The following CACNA2D4 variants were observed in gnomAD, a reference collection of about 807,000 sequenced individuals.
The protein encoded by CACNA2D4 is calcium voltage-gated channel auxiliary subunit alpha2delta 4.
In CACNA2D4, 157 loss-of-function variants were observed where a neutral mutation model predicts 163.8. That is an observed-to-expected ratio of 0.96 (90% confidence interval 0.84 to 1.09). The LOEUF is 1.09. Among genes scored for constraint, CACNA2D4 ranks in the 50% least tolerant of loss-of-function variants. The pLI is 0.00. For synonymous variants in CACNA2D4, 598 were observed against 586.9 expected (o/e 1.02, Z -0.27); for missense variants, 1,410 against 1,479.9 (o/e 0.95, Z 0.78).
Position 1,885,934 on chromosome 12 carries a change from TTGGAAGTCTCAGGCCACCG to T in CACNA2D4, c.1068+12_1068+30del, listed in dbSNP as rs2154449803. ...CCACCATCCAGACAAGAGCAGGGGC[TTGGAAGTCTCAGGCCACCG>T]TGGACACTCACCTCTCGATTGTCTC... On this transcript the variant is annotated intron_variant, in intron 9 of 37. Coordinates refer to ENST00000382722, the MANE Select transcript of CACNA2D4 (RefSeq NM_172364.5). 6 of 1,532,396 alleles carry T rather than the reference TTGGAAGTCTCAGGCCACCG, an allele frequency of 3.9e-6. No individual in the cohort carries two copies. In the East Asian group the frequency reaches 1.4e-4, roughly 35 times the overall value. 94.9% of individuals were successfully genotyped at this position (1,532,396 alleles called of 1,614,324 possible). A position where few individuals can be genotyped will look rare whatever the true frequency, so the allele number is the denominator to read the frequency against.
intron 23 of CACNA2D4, among the ~76,000 whole-genome samples, chr12:1,851,075 G>A (rs1314113371): frequency 6.6e-6 from 1 of 151,724 alleles, no homozygotes; most frequent in African/African-American, 2.4e-5. Context: ...TAGAGACGGG[G>A]TCTTGTCATT....
At chr12:1,796,632 C>A (rs546250658) in intron 35 of CACNA2D4, among the ~76,000 whole-genome samples, 96 of 152,336 alleles carry the variant, frequency 6.3e-4, no homozygotes, top group African/African-American at 2.3e-3. Context: ...GGGTGAAACC[C>A]GCGCAGCACG....
intron 35 of CACNA2D4, among the ~76,000 whole-genome samples, chr12:1,796,510 C>T (rs1269275679): frequency 1.3e-5 from 2 of 152,220 alleles, no homozygotes; most frequent in Non-Finnish European, 2.9e-5. Context: ...GGAGTGTCTA[C>T]TCTGAAGCCC....
chr12:1,912,983 G>T, intron 3 of CACNA2D4, 40 bp downstream of exon 3: 1 of 1,335,152 alleles, frequency 7.5e-7, no homozygotes, highest in Non-Finnish European at 1.1e-6. Context: ...GCGTCATGGG[G>T]CTGGGGAGAA....
chr12:1,879,689 A>G (rs1865952349), intron 14 of CACNA2D4, 115 bp downstream of exon 14: 2 of 838,170 alleles, frequency 2.4e-6, no homozygotes, highest in South Asian at 2.9e-5. Flanking sequence ...TCTGCATTCA[A>G]ACCCTCCCAA....
At chr12:1,907,260 C>T (rs1244865673) in intron 6 of CACNA2D4, among the ~76,000 whole-genome samples, 180 bp downstream of exon 6, 1 of 152,144 alleles carries the variant, frequency 6.6e-6, no homozygotes, top group Admixed American at 6.5e-5. Flanking sequence ...ATTCCACAGC[C>T]CTTTAATATG....
At chr12:1,908,463 C>T (rs529200163) in intron 4 of CACNA2D4, among the ~76,000 whole-genome samples, 1 of 152,348 alleles carries the variant, frequency 6.6e-6, no homozygotes, top group East Asian at 1.9e-4. Flanking sequence ...CAGCCTTGGC[C>T]TCAGACGGGG....
At chr12:1,845,658 C>T (rs905928623) in intron 24 of CACNA2D4, among the ~76,000 whole-genome samples, 3 of 152,144 alleles carry the variant, frequency 2.0e-5, no homozygotes, top group Non-Finnish European at 2.9e-5. Context: ...GGTTGCGAAG[C>T]GGCAGGTGGC....
At chr12:1,888,884 C>T (rs549982141) in intron 6 of CACNA2D4, among the ~76,000 whole-genome samples, 11 of 152,096 alleles carry the variant, frequency 7.2e-5, no homozygotes, top group Non-Finnish European at 8.8e-5. Context: ...ACAGCGTATC[C>T]CAAACAGCAT....
chr12:1,890,502 C>T (rs1866254462), intron 6 of CACNA2D4, among the ~76,000 whole-genome samples: 2 of 152,228 alleles, frequency 1.3e-5, no homozygotes, highest in Admixed American at 1.3e-4. Context: ...CCTCCATGTA[C>T]AGCCGTTGCA....
In CACNA2D4 at chr12:1,834,280, CCAG is replaced by C; in HGVS notation, c.2551+6456_2551+6458del. 1 of 1,576,698 alleles carries C rather than the reference CCAG, an allele frequency of 6.3e-7. No individual in the cohort carries two copies. Among genetic ancestry groups the C allele is most frequent in the Non-Finnish European group, 8.6e-7 (1 of 1,158,522 alleles). On this transcript the variant is annotated intron_variant, in intron 26 of 37. Transcript: ENST00000382722. This position sits in a 1 kb window ranked among gnomAD's most constrained non-coding sequence, Gnocchi z 7.6. ...TTCTGCATGTAGGGGGACGCTTGGACCAGCTTGCCTGCACCCTGCCCAAGGAGC... is the reference window on the plus strand; with the variant it reads ...TTCTGCATGTAGGGGGACGCTTGGACCTTGCCTGCACCCTGCCCAAGGAGC...
intron 29 of CACNA2D4, among the ~76,000 whole-genome samples, chr12:1,803,315 C>G (rs1041312559): frequency 6.6e-6 from 1 of 152,214 alleles, no homozygotes; most frequent in Non-Finnish European, 1.5e-5. Flanking sequence ...AGTTCTCTCT[C>G]AAATAAGAGA....
chr12:1,795,479 C>T lies in CACNA2D4; in HGVS notation c.3227-98G>A. On this transcript the variant is annotated intron_variant, in intron 36 of 37. Transcript: ENST00000382722. ...GAACCTGCTCTGGTGCCACCAGTTGCCCTGCAAGCAGCTTTAGGGTCAGGA... is the reference window on the plus strand; with the variant it reads ...GAACCTGCTCTGGTGCCACCAGTTGTCCTGCAAGCAGCTTTAGGGTCAGGA... 16 of 1,211,456 alleles carry T rather than the reference C, an allele frequency of 1.3e-5. 1 individual carries two copies. The highest frequency in any genetic ancestry group is 3.8e-4 in the Middle Eastern group (2 of 5,302). The allele number at this position is 1,211,456 out of a possible 1,614,324, so 75.0% of individuals were successfully genotyped here.
At chr12:1,846,732 G>A in intron 23 of CACNA2D4, 43 bp from the exon 24 acceptor site, 1 of 1,501,468 alleles carries the variant, frequency 6.7e-7, no homozygotes, top group Non-Finnish European at 9.0e-7. Context: ...CATGGCTGTG[G>A]CAAGAGCTTG....
At position 1,846,628 on chromosome 12, in the gene CACNA2D4, T is replaced by C. The variant is rs1319306753; in HGVS notation, c.2308A>G (p.Ser770Gly). 1 of 1,604,202 alleles carries C rather than the reference T, an allele frequency of 6.2e-7. No individual in the cohort carries two copies. Among genetic ancestry groups the C allele is most frequent in the South Asian group, 1.1e-5 (1 of 89,376 alleles). ...ACCTTCTCGGAGCCCACGAACAAGC[T>C]GCTTCTCAGGAGGCCAGCCCGGGTG... ...LGTRAGLLRS[S>G]LFVGSEKVSD... Residue 770 changes from serine (S) to glycine (G), a missense_variant, in exon 24 of 38, where the codon AGC becomes GGC. Ser to Gly is a moderately conservative substitution (Grantham distance 56). Transcript: ENST00000382722.
chr12:1,884,446 C>A, intron 11 of CACNA2D4, 125 bp from the exon 12 acceptor site: 1 of 753,876 alleles, frequency 1.3e-6, no homozygotes. Flanking sequence ...TCCAATTTCA[C>A]CCCCTGAGGC....
At chr12:1,858,120 G>T (rs1287486309) in intron 20 of CACNA2D4, among the ~76,000 whole-genome samples, 1 of 152,198 alleles carries the variant, frequency 6.6e-6, no homozygotes, top group African/African-American at 2.4e-5. Flanking sequence ...CCAGAACCGT[G>T]AGAGAATACA....
chr12:1,894,458 T>A (rs1475689561), intron 6 of CACNA2D4, among the ~76,000 whole-genome samples: 2 of 152,150 alleles, frequency 1.3e-5, no homozygotes, highest in Non-Finnish European at 2.9e-5. Context: ...CAGGCCAGTA[T>A]CTCTGATGAC....
intron 2 of CACNA2D4, 23 bp downstream of exon 2, chr12:1,914,831 C>T: frequency 1.3e-6 from 2 of 1,580,984 alleles, no homozygotes; most frequent in Non-Finnish European, 1.7e-6. Flanking sequence ...ACCCGGTGGG[C>T]TCTCTGGAAG....
Sources: allele counts gnomAD v4.1 joint callset (sites outside exome capture counted in the v4.1 genomes callset), GRCh38; gene constraint gnomAD v4.1.1; non-coding constraint Gnocchi (gnomAD v3.1); transcripts MANE v1.5; gene names NCBI Gene and HGNC (gene_info 2026-07-23, HGNC 2026-07-21).